The following CD28 variants were observed in gnomAD, a reference collection of about 807,000 sequenced individuals.
The protein encoded by CD28 is CD28 molecule, also known as T-cell-specific surface glycoprotein CD28.
A neutral mutation model predicts 21.4 loss-of-function variants in CD28; 8 were observed. The ratio of observed to expected loss-of-function variants is 0.37; its 90% CI spans 0.22 to 0.68. The LOEUF (loss-of-function observed/expected upper bound fraction) is 0.68. Among genes scored for constraint, CD28 ranks in the 30% least tolerant of loss-of-function variants. The pLI, the probability that CD28 is intolerant of heterozygous loss-of-function variation, is 0.55. For synonymous variants in CD28, 106 were observed against 104.0 expected (o/e 1.02, Z -0.12); for missense variants, 239 against 272.2 (o/e 0.88, Z 0.86).
intron 1 of CD28, among the ~76,000 whole-genome samples, chr2:203,718,206 C>G (rs995151852): frequency 1.3e-5 from 2 of 152,138 alleles, no homozygotes; most frequent in Admixed American, 1.3e-4. Context: ...CCTTTCTTCT[C>G]AGGGAGCACG....
intron 1 of CD28, among the ~76,000 whole-genome samples, chr2:203,718,812 G>A (rs1461272620): frequency 1.3e-5 from 2 of 152,192 alleles, no homozygotes; most frequent in East Asian, 3.8e-4. Context: ...TTTTCCTAGT[G>A]AAGTTCAGAC....
At position 203,738,786 on chromosome 2, in the gene CD28, G is replaced by A. The variant is rs1694114939; in HGVS notation, c.*3874G>A. The A allele has an allele frequency of 1.3e-5, 2 of 151,988 alleles. No individual in the cohort carries two copies. Among genetic ancestry groups the A allele is most frequent in the African/African-American group, 4.8e-5 (2 of 41,354 alleles). 9.4% of individuals were successfully genotyped at this position (151,988 alleles called of 1,614,324 possible). ...TAGCATTTTACCATCTCTTACATTA[G>A]ACATTTTTCTTATTTATTTGTAGTT... On this transcript the variant is annotated 3_prime_UTR_variant, in exon 4 of 4. Coordinates refer to ENST00000324106, the MANE Select transcript of CD28 (RefSeq NM_006139.4).
At chr2:203,711,953 A>G (rs1365582962) in intron 1 of CD28, among the ~76,000 whole-genome samples, 1 of 152,164 alleles carries the variant, frequency 6.6e-6, no homozygotes, top group African/African-American at 2.4e-5. Context: ...GCACTTTGGG[A>G]GACCAAGGCA....
intron 1 of CD28, among the ~76,000 whole-genome samples, chr2:203,711,812 G>A (rs1693320175): frequency 6.6e-6 from 1 of 152,164 alleles, no homozygotes; most frequent in Non-Finnish European, 1.5e-5. Flanking sequence ...CTTGGAAGAG[G>A]AGTTCTGATG....
At chr2:203,726,341 T>C (rs1012264766) in intron 1 of CD28, among the ~76,000 whole-genome samples, 2 of 152,208 alleles carry the variant, frequency 1.3e-5, no homozygotes, top group Admixed American at 6.5e-5. Flanking sequence ...GGAATATAGA[T>C]TTAAAAATTG....
chr2:203,719,379 G>T (rs959348897), intron 1 of CD28, among the ~76,000 whole-genome samples: 1 of 152,074 alleles, frequency 6.6e-6, no homozygotes, highest in Admixed American at 6.5e-5. Context: ...AATGTATTTT[G>T]TTCTGGTCCT....
Position 203,706,746 on chromosome 2 carries a change from C to A in CD28, c.50C>A (p.Thr17Lys), listed in dbSNP as rs568613966. 2.5e-6 allele frequency: 4 copies of A among 1,607,046 alleles called. No individual in the cohort carries two copies. The highest frequency in any genetic ancestry group is 3.4e-6 in the Non-Finnish European group (4 of 1,173,634). The change falls in exon 1 of 4, where the codon ACA (threonine) becomes AAA (lysine). Residue 17 changes from threonine to lysine, a missense_variant and splice_region_variant. By Grantham distance (78) the Thr-to-Lys change is moderately conservative (BLOSUM62 -1). Around this residue, in one of 3 missense-constraint regions of CD28, gnomAD observed 104 missense variants for 108.5 expected, o/e 0.96. Coordinates refer to ENST00000324106, the MANE Select transcript of CD28 (RefSeq NM_006139.4). ...AACTTATTCCCTTCAATTCAAGTAA[C>A]AGGTAAACAATGTTAATGTCTTTCT... ...ALNLFPSIQVTGNKILVKQSP... is the reference protein window; with the variant it reads ...ALNLFPSIQVKGNKILVKQSP...
chr2:203,733,116 G>A (rs145571366), intron 3 of CD28, among the ~76,000 whole-genome samples: 162 of 152,142 alleles, frequency 1.1e-3, no homozygotes, highest in African/African-American at 3.6e-3. Flanking sequence ...ACATTTCCTC[G>A]GCCTCACCCC....
intron 1 of CD28, among the ~76,000 whole-genome samples, chr2:203,710,767 A>ACGG (rs1693290557): frequency 6.6e-6 from 1 of 152,230 alleles, no homozygotes; most frequent in Non-Finnish European, 1.5e-5. Flanking sequence ...TGATGAGGAT[A>ACGG]CGCAATTCAT....
chr2:203,734,174 G>GAA (rs1250753824), intron 3 of CD28, among the ~76,000 whole-genome samples: 1 of 152,226 alleles, frequency 6.6e-6, no homozygotes, highest in Non-Finnish European at 1.5e-5. Flanking sequence ...CATGGTGGGT[G>GAA]AAACTATTGC....
At chr2:203,721,408 T>C (rs1050922349) in intron 1 of CD28, among the ~76,000 whole-genome samples, 1 of 152,132 alleles carries the variant, frequency 6.6e-6, no homozygotes, top group African/African-American at 2.4e-5. Context: ...TTGTAACTCA[T>C]GGCCCAGCAA....
At chr2:203,729,967 C>A (rs1448276250) in intron 3 of CD28, among the ~76,000 whole-genome samples, 195 bp downstream of exon 3, 1 of 151,972 alleles carries the variant, frequency 6.6e-6, no homozygotes, top group African/African-American at 2.4e-5. Context: ...GTTAGATTTC[C>A]CAGAAGGCAT....
chr2:203,724,335 T>TA lies in CD28; in HGVS notation c.53-2292dup, dbSNP rs141066457. 9.9e-3 allele frequency among the ~76,000 whole-genome samples: 1,514 copies of TA among 152,224 alleles called. 27 individuals carry two copies. Among genetic ancestry groups the TA allele is most frequent in the African/African-American group, 0.035 (1,462 of 41,522 alleles). On this transcript the variant is annotated intron_variant, in intron 1 of 3. Coordinates refer to ENST00000324106, the MANE Select transcript of CD28 (RefSeq NM_006139.4). ...TTCATTCATAACTTTGTGAATATAC[T>TA]AAAAAATCTCTGAATTTTACACTTT... is the stretch of plus-strand genomic sequence containing the variant.
intron 1 of CD28, among the ~76,000 whole-genome samples, chr2:203,709,371 T>A (rs933982480): frequency 3.3e-5 from 5 of 152,238 alleles, no homozygotes; most frequent in Non-Finnish European, 5.9e-5. Context: ...TGTGTATGTA[T>A]GTATATGAAG....
At chr2:203,734,649 C>A in intron 3 of CD28, 135 bp from the exon 4 acceptor site, 1 of 1,024,854 alleles carries the variant, frequency 9.8e-7, no homozygotes, top group Non-Finnish European at 1.5e-6. Context: ...TTACCCAAGT[C>A]CAAGGTGCTC....
chr2:203,738,835 C>G lies in CD28; in HGVS notation c.*3923C>G, dbSNP rs1694116192. 1 of 152,082 alleles carries G rather than the reference C, an allele frequency of 6.6e-6. No individual in the cohort carries two copies. Among genetic ancestry groups the G allele is most frequent in the African/African-American group, 2.4e-5 (1 of 41,392 alleles). 9.4% of individuals were successfully genotyped at this position (152,082 alleles called of 1,614,324 possible). A position where few individuals can be genotyped will look rare whatever the true frequency, so the allele number is the denominator to read the frequency against. On this transcript the variant is annotated 3_prime_UTR_variant, in exon 4 of 4. Coordinates refer to ENST00000324106, the MANE Select transcript of CD28 (RefSeq NM_006139.4). ...TTTATAAGCTTCATGAGGCAAGTAA[C>G]TTTGCTTTGTTTCTTGCTGTATCTC...
In CD28 at chr2:203,726,957, A is replaced by T; in HGVS notation, c.377A>T (p.Glu126Val). ...TATCCTCCTCCTTACCTAGACAATG[A>T]GAAGAGCAATGGAACCATTATCCAT... ...VMYPPPYLDN[E>V]KSNGTIIHVK... The change falls in exon 2 of 4, where the codon GAG becomes GTG. Residue 126 changes from glutamate to valine, a missense_variant. Glu to Val is a moderately radical substitution (Grantham distance 121). Transcript: ENST00000324106. 1 of 1,606,726 alleles carries T rather than the reference A, an allele frequency of 6.2e-7. No individual in the cohort carries two copies. The highest frequency in any genetic ancestry group is 8.5e-7 in the Non-Finnish European group (1 of 1,173,276).
intron 1 of CD28, among the ~76,000 whole-genome samples, chr2:203,720,800 G>A (rs561876338): frequency 6.6e-6 from 1 of 152,244 alleles, no homozygotes; most frequent in Non-Finnish European, 1.5e-5. Flanking sequence ...CATTTTAAAA[G>A]AAAATAAGAG....
chr2:203,722,834 T>C (rs1303543170), intron 1 of CD28, among the ~76,000 whole-genome samples: 1 of 152,222 alleles, frequency 6.6e-6, no homozygotes, highest in Non-Finnish European at 1.5e-5. Context: ...CAGTCTGTTC[T>C]TGGGATGTTG....
Sources: allele counts gnomAD v4.1 joint callset (sites outside exome capture counted in the v4.1 genomes callset), GRCh38; gene constraint gnomAD v4.1.1; regional missense constraint gnomAD v4.1.1; transcripts MANE v1.5; gene names NCBI Gene and HGNC (gene_info 2026-07-23, HGNC 2026-07-21).